The following GLT1D1 variants were observed in gnomAD, a reference collection of about 807,000 sequenced individuals.
GLT1D1 encodes the protein glycosyltransferase 1 domain-containing protein 1.
In GLT1D1, 21 loss-of-function variants were observed where a neutral mutation model predicts 28.7. The observed-to-expected ratio is 0.73, with a 90% CI of 0.52 to 1.05. GLT1D1 has a LOEUF of 1.05. Ranked by LOEUF, GLT1D1 falls within the 50% of genes least tolerant of loss-of-function variation. GLT1D1 has a pLI of 0.00. For synonymous variants in GLT1D1, 147 were observed against 124.8 expected (o/e 1.18, Z -1.19); for missense variants, 343 against 330.6 (o/e 1.04, Z -0.29).
intron 4 of GLT1D1, among the ~76,000 whole-genome samples, chr12:128,909,471 T>G (rs1871306904): frequency 6.6e-6 from 1 of 152,220 alleles, no homozygotes; most frequent in African/African-American, 2.4e-5. Context: ...TGGGCCATCA[T>G]TTCTTTTAAG....
At chr12:128,929,481 T>G (rs1272755588) in intron 4 of GLT1D1, among the ~76,000 whole-genome samples, 9 of 152,050 alleles carry the variant, frequency 5.9e-5, no homozygotes, top group Admixed American at 5.9e-4. Flanking sequence ...TCCCTGAAAA[T>G]CTGAGTGAAG....
chr12:128,924,967 C>T (rs1873040813), intron 4 of GLT1D1, among the ~76,000 whole-genome samples: 1 of 152,084 alleles, frequency 6.6e-6, no homozygotes, highest in Non-Finnish European at 1.5e-5. Context: ...CCACCACAAG[C>T]AGTCTTAGTG....
At chr12:128,962,018 C>T (rs1480911959) in intron 7 of GLT1D1, among the ~76,000 whole-genome samples, 2 of 152,060 alleles carry the variant, frequency 1.3e-5, no homozygotes, top group African/African-American at 4.8e-5. Flanking sequence ...TGTGTGTGCC[C>T]CTGTCCCCCT....
At chr12:128,977,607 A>C (rs533391533) in intron 7 of GLT1D1, among the ~76,000 whole-genome samples, 61 of 152,122 alleles carry the variant, frequency 4.0e-4, no homozygotes, top group Admixed American at 8.5e-4. Context: ...TGCACCTCCC[A>C]CTTCACCTGC....
chr12:128,861,224 A>G (rs567084890), intron 1 of GLT1D1, among the ~76,000 whole-genome samples: 47 of 152,294 alleles, frequency 3.1e-4, no homozygotes, highest in African/African-American at 1.1e-3. Flanking sequence ...GGCCCCAGCT[A>G]TACTATTATA....
chr12:128,966,516 C>T (rs966479193), intron 7 of GLT1D1, among the ~76,000 whole-genome samples: 41 of 152,212 alleles, frequency 2.7e-4, no homozygotes, highest in Non-Finnish European at 1.2e-4. Context: ...ACCCTCCTCC[C>T]CAACCTCCTC....
intron 7 of GLT1D1, among the ~76,000 whole-genome samples, chr12:128,976,799 G>C (rs575904752): frequency 3.3e-5 from 5 of 152,136 alleles, no homozygotes; most frequent in African/African-American, 4.8e-5. Flanking sequence ...CTATGGCTTT[G>C]AGGTGACATC....
chr12:128,860,889 C>T (rs1956347466), intron 1 of GLT1D1, among the ~76,000 whole-genome samples: 5 of 152,036 alleles, frequency 3.3e-5, no homozygotes, highest in Admixed American at 2.6e-4. Flanking sequence ...CTCACGGAAC[C>T]GGGGAAATTG....
intron 2 of GLT1D1, among the ~76,000 whole-genome samples, chr12:128,885,824 T>C (rs1002173466): frequency 6.6e-6 from 1 of 152,212 alleles, no homozygotes; most frequent in Admixed American, 6.5e-5. Context: ...TCTTTGGGAA[T>C]TTCACTGAAA....
intron 4 of GLT1D1, among the ~76,000 whole-genome samples, chr12:128,928,677 A>G (rs936343759): frequency 2.0e-5 from 3 of 151,150 alleles, no homozygotes; most frequent in Admixed American, 6.6e-5. Flanking sequence ...CTAGAGTACA[A>G]TGGTGTGATC....
chr12:128,879,530 A>T (rs2135806737), intron 2 of GLT1D1, among the ~76,000 whole-genome samples: 2 of 150,486 alleles, frequency 1.3e-5, no homozygotes, highest in East Asian at 3.9e-4. Context: ...ATCTTGGCTC[A>T]CTGCAGCCTC....
At chr12:128,896,852 A>G (rs1208353360) in intron 3 of GLT1D1, among the ~76,000 whole-genome samples, 2 of 152,146 alleles carry the variant, frequency 1.3e-5, no homozygotes, top group African/African-American at 4.8e-5. Context: ...TATCTTTATC[A>G]TAAACAACAC....
intron 4 of GLT1D1, among the ~76,000 whole-genome samples, chr12:128,910,632 G>A (rs1315129213): frequency 1.3e-5 from 2 of 150,664 alleles, no homozygotes; most frequent in Admixed American, 1.3e-4. Flanking sequence ...AGCATAAGGA[G>A]TAGTTTAGGG....
At chr12:128,878,473 T>C (rs1279255754) in intron 2 of GLT1D1, among the ~76,000 whole-genome samples, 2 of 152,234 alleles carry the variant, frequency 1.3e-5, no homozygotes, top group East Asian at 3.8e-4. Context: ...TGGGAGAATA[T>C]ATTTGTGCTT....
At chr12:128,964,118 C>G (rs770466947) in intron 7 of GLT1D1, among the ~76,000 whole-genome samples, 1 of 152,208 alleles carries the variant, frequency 6.6e-6, no homozygotes, top group South Asian at 2.1e-4. Context: ...TGGCCAGTTG[C>G]GCTGGCTCAT....
In GLT1D1 at chr12:128,983,658, AT is replaced by A. The variant is rs1880542115; in HGVS notation, c.*569del. ...CACGCCCGGCACAGCTCACTTTTCA[AT>A]GGTGGAATTGAAAGTTGTGCTTTTT... On this transcript the variant is annotated 3_prime_UTR_variant, in exon 8 of 8. Transcript: ENST00000281703. This position sits in a 1 kb window ranked among gnomAD's most constrained non-coding sequence, Gnocchi z 4.7. The A allele has an allele frequency of 6.6e-6, 1 of 152,284 alleles. No individual in the cohort carries two copies. Among genetic ancestry groups the A allele is most frequent in the South Asian group, 2.1e-4 (1 of 4,836 alleles). 9.4% of individuals were successfully genotyped at this position (152,284 alleles called of 1,614,324 possible). A position where few individuals can be genotyped will look rare whatever the true frequency, so the allele number is the denominator to read the frequency against.
intron 2 of GLT1D1, among the ~76,000 whole-genome samples, chr12:128,885,501 G>T (rs1425688979): frequency 1.3e-5 from 2 of 152,190 alleles, no homozygotes; most frequent in Admixed American, 1.3e-4. Flanking sequence ...GAGATTACAG[G>T]TATGAGCCAC....
chr12:128,939,627 A>G (rs1471769442), intron 4 of GLT1D1, among the ~76,000 whole-genome samples: 3 of 152,142 alleles, frequency 2.0e-5, no homozygotes, highest in African/African-American at 4.8e-5. Context: ...AATTGGCTCA[A>G]GTTCCTCAGG....
chr12:128,970,447 G>GCCT (rs565460039), intron 7 of GLT1D1, among the ~76,000 whole-genome samples: 296 of 152,340 alleles, frequency 1.9e-3, no homozygotes, highest in African/African-American at 6.9e-3. Context: ...TGTTCCAGCA[G>GCCT]CCTCCTCCTT....
Sources: allele counts gnomAD v4.1 joint callset (sites outside exome capture counted in the v4.1 genomes callset), GRCh38; gene constraint gnomAD v4.1.1; non-coding constraint Gnocchi (gnomAD v3.1); transcripts MANE v1.5; gene names NCBI Gene and HGNC (gene_info 2026-07-23, HGNC 2026-07-21).